Variants in GLI2 observed in about 807,000 individuals in gnomAD.
GLI2 encodes transcription activator GLI2.
In GLI2, 22 loss-of-function variants were observed where a neutral mutation model predicts 78.9. That is an observed-to-expected ratio of 0.28 (90% CI 0.20 to 0.40). GLI2 has a LOEUF of 0.40. GLI2 is among the 10% of genes least tolerant of loss of function. The pLI, the probability that GLI2 is intolerant of heterozygous loss-of-function variation, is 1.00. For synonymous variants in GLI2, 974 were observed against 963.7 expected (o/e 1.01, Z -0.20); for missense variants, 2,097 against 2,213.2 (o/e 0.95, Z 1.05).
At chr2:120,988,157 C>A in intron 13 of GLI2, 51 bp from the exon 14 acceptor site, 1 of 1,518,666 alleles carries the variant, frequency 6.6e-7, no homozygotes, top group Non-Finnish European at 8.9e-7. Flanking sequence ...ACGGTCAAAG[C>A]AAGCAGCCAC....
chr2:120,895,802 T>C (rs768482358), intron 2 of GLI2, among the ~76,000 whole-genome samples: 2 of 152,254 alleles, frequency 1.3e-5, no homozygotes, highest in African/African-American at 2.4e-5. Flanking sequence ...ACACTTCGTC[T>C]GGTCACTGGT....
chr2:120,788,410 A>G (rs1242933575), intron 1 of GLI2, among the ~76,000 whole-genome samples: 1 of 152,196 alleles, frequency 6.6e-6, no homozygotes, highest in East Asian at 1.9e-4. Context: ...AGGCATGGGG[A>G]TTGGAGAGGG....
At chr2:120,788,099 T>C (rs908025864) in intron 1 of GLI2, among the ~76,000 whole-genome samples, 12 of 152,222 alleles carry the variant, frequency 7.9e-5, no homozygotes, top group African/African-American at 2.9e-4. Flanking sequence ...GACATTCTGT[T>C]TATCCCCACT....
intron 2 of GLI2, among the ~76,000 whole-genome samples, chr2:120,918,641 A>G (rs1257153872): frequency 6.6e-6 from 1 of 152,076 alleles, no homozygotes; most frequent in African/African-American, 2.4e-5. Flanking sequence ...GGGTTTCGCC[A>G]TGTTGGCCAG....
At chr2:120,809,325 G>A (rs1443993514) in intron 2 of GLI2, among the ~76,000 whole-genome samples, 1 of 152,212 alleles carries the variant, frequency 6.6e-6, no homozygotes, top group Non-Finnish European at 1.5e-5. Context: ...AATCCATAGA[G>A]ACAGAAGGGA....
intron 2 of GLI2, chr2:120,867,550 A>C (rs916028682): frequency 2.0e-5 from 3 of 152,080 alleles, no homozygotes; most frequent in African/African-American, 7.3e-5. Context: ...CCCTCCCCGC[A>C]CCGCCGCCCC....
intron 2 of GLI2, among the ~76,000 whole-genome samples, chr2:120,876,235 G>A (rs926776795): frequency 5.3e-5 from 8 of 152,162 alleles, no homozygotes; most frequent in African/African-American, 1.2e-4. Context: ...CCAGCTACTC[G>A]GGAGGCTGAG....
chr2:120,939,305 C>T (rs1355897357), intron 3 of GLI2, among the ~76,000 whole-genome samples: 1 of 152,032 alleles, frequency 6.6e-6, no homozygotes, highest in African/African-American at 2.4e-5. Flanking sequence ...ACAACAAAAG[C>T]ATGTTTAAGA....
chr2:120,750,140 C>A (rs928563855), intron 1 of GLI2, among the ~76,000 whole-genome samples: 1 of 152,244 alleles, frequency 6.6e-6, no homozygotes, highest in Admixed American at 6.5e-5. Context: ...TGGGTGGCCC[C>A]TCGTGTCCCT....
chr2:120,841,301 G>A (rs1573462660), intron 2 of GLI2, among the ~76,000 whole-genome samples: 1 of 152,244 alleles, frequency 6.6e-6, no homozygotes, highest in East Asian at 1.9e-4. Context: ...CCTCTTGGAC[G>A]AGGACCAAGG....
At chr2:120,875,431 G>C (rs1688687319) in intron 2 of GLI2, among the ~76,000 whole-genome samples, 2 of 152,246 alleles carry the variant, frequency 1.3e-5, no homozygotes, top group Non-Finnish European at 2.9e-5. Context: ...TGGGGAAGGA[G>C]CAAAGTCCTT....
intron 2 of GLI2, among the ~76,000 whole-genome samples, chr2:120,821,413 G>A (rs1342164769): frequency 1.3e-5 from 2 of 152,206 alleles, no homozygotes; most frequent in African/African-American, 2.4e-5. Flanking sequence ...CAGATCCGGC[G>A]GACATTTATG....
chr2:120,886,087 G>C (rs1007336152), intron 2 of GLI2, among the ~76,000 whole-genome samples: 5 of 151,978 alleles, frequency 3.3e-5, no homozygotes, highest in East Asian at 1.9e-4. Context: ...GTGTGTGTGT[G>C]TGTCTGTGTG....
chr2:120,947,567 A>G (rs1201604488), intron 3 of GLI2, among the ~76,000 whole-genome samples: 2 of 152,018 alleles, frequency 1.3e-5, no homozygotes, highest in Non-Finnish European at 2.9e-5. Context: ...TGTCTCTGGT[A>G]TTGTGTGCCC....
Position 120,861,684 on chromosome 2 carries a change from A to G in GLI2, c.148+64216A>G, listed in dbSNP as rs72971970. On this transcript the variant is annotated intron_variant, in intron 2 of 13. Coordinates refer to ENST00000361492, the MANE Select transcript of GLI2 (RefSeq NM_001374353.1). ...CTCCCAGCTCGCTGACCCTGGGGGA[A>G]CCGGGGCCTGCTGAGCTGAGCCCTT... Among the ~76,000 whole-genome samples the G allele has an allele frequency of 3.9e-3, 598 of 152,276 alleles. 7 individuals are homozygous for G. The highest frequency in any genetic ancestry group is 0.013 in the African/African-American group (552 of 41,572).
chr2:120,758,934 C>T (rs1683126181), intron 1 of GLI2, among the ~76,000 whole-genome samples: 1 of 152,174 alleles, frequency 6.6e-6, no homozygotes, highest in Admixed American at 6.5e-5. Context: ...TGGCCTTCCT[C>T]TCCCCTCTGG....
intron 1 of GLI2, among the ~76,000 whole-genome samples, chr2:120,788,872 A>G (rs1684068847): frequency 6.6e-6 from 1 of 152,108 alleles, no homozygotes; most frequent in East Asian, 1.9e-4. Context: ...AGGTGGGGAC[A>G]GCAGGCACAG....
At chr2:120,897,499 T>C (rs1394539334) in intron 2 of GLI2, among the ~76,000 whole-genome samples, 1 of 152,214 alleles carries the variant, frequency 6.6e-6, no homozygotes, top group Non-Finnish European at 1.5e-5. Flanking sequence ...GTAAATGTGT[T>C]ACTTTGTAAG....
chr2:120,978,041 C>A (rs1206391501), intron 9 of GLI2, among the ~76,000 whole-genome samples: 1 of 152,212 alleles, frequency 6.6e-6, no homozygotes, highest in African/African-American at 2.4e-5. Context: ...CTGTTTGCAG[C>A]CTGGGAGCGT....
Sources: allele counts gnomAD v4.1 joint callset (sites outside exome capture counted in the v4.1 genomes callset), GRCh38; gene constraint gnomAD v4.1.1; transcripts MANE v1.5; gene names NCBI Gene and HGNC (gene_info 2026-07-23, HGNC 2026-07-21).